Variants in BABAM2 observed in about 807,000 individuals in gnomAD.
The protein encoded by BABAM2 is BRISC and BRCA1 A complex member 2.
In BABAM2, 31 loss-of-function variants were observed where a neutral mutation model predicts 54.7. The observed-to-expected ratio is 0.57, with a 90% confidence interval of 0.43 to 0.77. The LOEUF (loss-of-function observed/expected upper bound fraction) is 0.77. Among genes scored for constraint, BABAM2 ranks in the 30% least tolerant of loss-of-function variants. The pLI is 0.00. For synonymous variants in BABAM2, 167 were observed against 162.9 expected, an observed-to-expected ratio of 1.03 and a Z score of -0.19; for missense variants, 364 against 455.8, an observed-to-expected ratio of 0.80 and a Z score of 1.83.
intron 3 of BABAM2, among the ~76,000 whole-genome samples, chr2:27,939,569 AT>A (rs1291018368): frequency 6.6e-6 from 1 of 152,178 alleles, no homozygotes; most frequent in African/African-American, 2.4e-5. Flanking sequence ...TTTAGAAGTT[AT>A]TTATTATACA....
chr2:28,085,243 C>T (rs1222194163), intron 6 of BABAM2, among the ~76,000 whole-genome samples: 1 of 152,076 alleles, frequency 6.6e-6, no homozygotes, highest in Non-Finnish European at 1.5e-5. Flanking sequence ...TTTTAAGGTG[C>T]ATATTAAGCT....
intron 11 of BABAM2, among the ~76,000 whole-genome samples, chr2:28,303,998 A>T (rs1016319329): frequency 1.3e-5 from 2 of 152,126 alleles, no homozygotes; most frequent in Non-Finnish European, 2.9e-5. Context: ...CTTGTGCCTC[A>T]GCCTCCTGAG....
chr2:27,943,262 C>G (rs1030520370), intron 3 of BABAM2, among the ~76,000 whole-genome samples: 1 of 152,166 alleles, frequency 6.6e-6, no homozygotes, highest in Admixed American at 6.5e-5. Flanking sequence ...TTCCACTTCC[C>G]CTTCAGTATT....
chr2:28,230,682 C>T (rs1355783116), intron 7 of BABAM2, among the ~76,000 whole-genome samples: 1 of 149,996 alleles, frequency 6.7e-6, no homozygotes, highest in Non-Finnish European at 1.5e-5. Context: ...CGTGATCACG[C>T]CACCACACAG....
At chr2:28,149,528 A>T (rs1215761034) in intron 7 of BABAM2, among the ~76,000 whole-genome samples, 2 of 152,212 alleles carry the variant, frequency 1.3e-5, no homozygotes, top group African/African-American at 2.4e-5. Context: ...CAGAGTTAAA[A>T]TGAATACTCA....
intron 3 of BABAM2, among the ~76,000 whole-genome samples, chr2:27,954,783 A>G (rs1256893822): frequency 6.6e-6 from 1 of 152,214 alleles, no homozygotes; most frequent in African/African-American, 2.4e-5. Context: ...ATGCCAAAGC[A>G]TTGCCAATTG....
rs370304951 is a variant in BABAM2, at chr2:28,272,787, G to A, written c.935-25551G>A. Among the ~76,000 whole-genome samples, 15 of 152,246 alleles carry A rather than the reference G, an allele frequency of 9.9e-5. No homozygotes were observed. In the East Asian group the frequency reaches 2.1e-3, roughly 22 times the overall value. On this transcript the variant is annotated intron_variant, in intron 10 of 11. Transcript: ENST00000379624. ...AGCCCACAGTGGGATAGGGACTTCC[G>A]AGGGTTCTGTGGGAATCAGAAGGGA... is the stretch of plus-strand genomic sequence containing the variant.
At chr2:27,891,598 T>C (rs1664851842) in intron 1 of BABAM2, among the ~76,000 whole-genome samples, 2 of 152,050 alleles carry the variant, frequency 1.3e-5, no homozygotes, top group South Asian at 4.1e-4. Context: ...TTACTACCGG[T>C]GGTGACTCCC....
chr2:28,268,872 C>CT (rs979063298), intron 10 of BABAM2, among the ~76,000 whole-genome samples: 3 of 152,226 alleles, frequency 2.0e-5, no homozygotes, highest in African/African-American at 4.8e-5. Flanking sequence ...TTGAGGTCCA[C>CT]TGTAGAGATT....
chr2:28,036,582 T>G (rs1174041060), intron 5 of BABAM2, among the ~76,000 whole-genome samples: 1 of 151,986 alleles, frequency 6.6e-6, no homozygotes, highest in Non-Finnish European at 1.5e-5. Flanking sequence ...TAACATCTGG[T>G]CAAAAGAATC....
At chr2:28,105,512 TAA>T (rs1425091447) in intron 6 of BABAM2, among the ~76,000 whole-genome samples, 4 of 152,288 alleles carry the variant, frequency 2.6e-5, no homozygotes, top group Admixed American at 1.3e-4. Context: ...TTGAAAAACT[TAA>T]GTTTTTTTTC....
chr2:27,998,613 A>G (rs1051404256), intron 4 of BABAM2, among the ~76,000 whole-genome samples: 1 of 152,158 alleles, frequency 6.6e-6, no homozygotes, highest in Admixed American at 6.5e-5. Context: ...TAAAAGATGT[A>G]TCTCAAACCA....
chr2:28,187,180 T>C (rs1219448153), intron 7 of BABAM2, among the ~76,000 whole-genome samples: 3 of 152,190 alleles, frequency 2.0e-5, no homozygotes, highest in East Asian at 3.9e-4. Context: ...ATGTGAGTCT[T>C]GATTCCTATT....
intron 7 of BABAM2, among the ~76,000 whole-genome samples, chr2:28,175,463 A>T (rs1222590052): frequency 2.0e-5 from 3 of 152,124 alleles, no homozygotes; most frequent in Non-Finnish European, 4.4e-5. Context: ...CTTCGGGATT[A>T]TCCCACCCTG....
chr2:28,154,385 C>T (rs1462196371), intron 7 of BABAM2, among the ~76,000 whole-genome samples: 1 of 152,082 alleles, frequency 6.6e-6, no homozygotes, highest in Non-Finnish European at 1.5e-5. Flanking sequence ...TGGAGAAACA[C>T]GAATATTTCA....
intron 5 of BABAM2, among the ~76,000 whole-genome samples, chr2:28,040,440 ACAGG>A (rs1315680807): frequency 4.7e-5 from 7 of 149,824 alleles, no homozygotes; most frequent in Non-Finnish European, 1.0e-4. Flanking sequence ...AGCTGGGACT[ACAGG>A]CGCCCGCCAC....
chr2:28,154,019 T>C (rs1251451699), intron 7 of BABAM2, among the ~76,000 whole-genome samples: 1 of 152,208 alleles, frequency 6.6e-6, no homozygotes. Flanking sequence ...CCCAAGTCAC[T>C]GTGCCTGCTT....
chr2:28,055,967 T>C lies in BABAM2; in HGVS notation c.570+10168T>C, dbSNP rs1205604877. On this transcript the variant is annotated intron_variant, in intron 6 of 11. Coordinates refer to ENST00000379624, the MANE Select transcript of BABAM2 (RefSeq NM_199191.3). ...ACATGGGTGAGCCTGGAGGATATGA[T>C]GCTAAGTGGAATAAGCCAGACACAG... 3.3e-5 allele frequency among the ~76,000 whole-genome samples: 5 copies of C among 152,196 alleles called. No homozygotes were observed. The East Asian group carries it at 5.8e-4, about 18-fold the overall frequency.
At chr2:28,071,005 A>T (rs1259127653) in intron 6 of BABAM2, among the ~76,000 whole-genome samples, 1 of 151,746 alleles carries the variant, frequency 6.6e-6, no homozygotes, top group Non-Finnish European at 1.5e-5. Context: ...CCCCGCCCCC[A>T]GCCTCAGTTT....
Sources: gnomAD v4.1 joint callset for allele counts (sites outside exome capture counted in the v4.1 genomes callset) on GRCh38, gnomAD v4.1.1 for gene constraint, MANE v1.5 for transcripts, NCBI Gene and HGNC (gene_info 2026-07-23, HGNC 2026-07-21) for gene names.